Variants in CBR3 observed in about 807,000 individuals in gnomAD.
CBR3 encodes carbonyl reductase 3, also known as carbonyl reductase [NADPH] 3.
CBR3 carries 14 observed loss-of-function variants against 11.6 expected under a neutral mutation model. The ratio of observed to expected loss-of-function variants is 1.20; its 90% CI spans 0.79 to 1.88. The LOEUF is 1.88. Ranked by LOEUF, CBR3 falls within the 40% of genes most tolerant of loss-of-function variation. The probability of loss-of-function intolerance (pLI) is 0.00; values close to 1 mark genes in which losing one functional copy is unlikely to be tolerated. For missense variants in CBR3, 308 were observed against 357.3 expected, an observed-to-expected ratio of 0.86 and a Z score of 1.11; for synonymous variants, 125 against 145.6, an observed-to-expected ratio of 0.86 and a Z score of 1.02.
In CBR3 at chr21:36,135,384, C is replaced by G; in HGVS notation, c.192C>G (p.Ile64Met). ...GCCCGCGCTTCCACCAACTGGACAT[C>G]GACGACTTGCAGAGCATCCGCGCCC... ...GLSPRFHQLD[I>M]DDLQSIRALR... The change falls in exon 1 of 3, where the codon ATC becomes ATG. Residue 64 changes from isoleucine to methionine, a missense_variant. By Grantham distance (10) the Ile-to-Met change is conservative (BLOSUM62 1). Transcript: ENST00000290354. The G allele has an allele frequency of 6.2e-7, 1 of 1,613,374 alleles. No homozygotes were observed. Among genetic ancestry groups the G allele is most frequent in the Non-Finnish European group, 8.5e-7 (1 of 1,179,834 alleles).
chr21:36,136,687 C>A (rs1472115241), intron 1 of CBR3, among the ~76,000 whole-genome samples: 2 of 152,140 alleles, frequency 1.3e-5, no homozygotes, highest in Non-Finnish European at 2.9e-5. Flanking sequence ...CCTGGGCGCT[C>A]ATGGCAAGGC....
At chr21:36,136,093 G>T (rs1198106443) in intron 1 of CBR3, among the ~76,000 whole-genome samples, 1 of 152,144 alleles carries the variant, frequency 6.6e-6, no homozygotes, top group Non-Finnish European at 1.5e-5. Flanking sequence ...CGTGCGTGTG[G>T]TCTTAAAAGC....
At chr21:36,142,431 C>CAAA (rs71326645) in intron 2 of CBR3, among the ~76,000 whole-genome samples, 41 of 40,424 alleles carry the variant, frequency 1.0e-3, no homozygotes, top group Non-Finnish European at 1.6e-3. Flanking sequence ...GACTCCATCT[C>CAAA]AAAAAAAAAA....
At chr21:36,145,122 T>G (rs1036315675) in intron 2 of CBR3, 21 of 151,872 alleles carry the variant, frequency 1.4e-4, no homozygotes, top group African/African-American at 5.1e-4. Context: ...AATAAATAAA[T>G]TTAAGTAAAA....
chr21:36,142,433 A>AAAAAAAAAAAAAAAC lies in CBR3; in HGVS notation c.398-3629_398-3628insCAAAAAAAAAAAAAA, dbSNP rs1481669207. ...GGTGACAGAGCGAGACTCCATCTCA[A>AAAAAAAAAAAAAAAC]AAAAAAAAAAAAAAACGCAATCCAT... is the stretch of plus-strand genomic sequence containing the variant. On this transcript the variant is annotated intron_variant, in intron 2 of 2. Coordinates refer to ENST00000290354, the MANE Select transcript of CBR3 (RefSeq NM_001236.4). Among the ~76,000 whole-genome samples, 6 of 147,706 alleles carry AAAAAAAAAAAAAAAC rather than the reference A, an allele frequency of 4.1e-5. 1 individual carries two copies. The highest frequency in any genetic ancestry group is 7.5e-5 in the African/African-American group (3 of 40,186).
chr21:36,135,883 T>TAA (rs1395698029), intron 1 of CBR3, among the ~76,000 whole-genome samples: 2 of 152,214 alleles, frequency 1.3e-5, no homozygotes, highest in Non-Finnish European at 2.9e-5. Context: ...TTCGCTTTCC[T>TAA]TGAAAGGGCG....
intron 2 of CBR3, among the ~76,000 whole-genome samples, chr21:36,143,689 G>A (rs999817551): frequency 2.0e-5 from 3 of 151,996 alleles, no homozygotes; most frequent in Admixed American, 6.6e-5. Flanking sequence ...CGACCAGCCC[G>A]GCCAACATGG....
rs954966189 is a variant in CBR3 at position 36,137,947 on chromosome 21, T to G, written c.397+15T>G. ...GAAACCTCATGGTAAGCCCAACGTG[T>G]GGACAGTCGGGTTGCATCCCTCAGT... On this transcript the variant is annotated intron_variant, in intron 2 of 2. Coordinates refer to ENST00000290354, the MANE Select transcript of CBR3 (RefSeq NM_001236.4). 1 of 1,427,900 alleles carries G rather than the reference T, an allele frequency of 7.0e-7. No homozygotes were observed. Among genetic ancestry groups the G allele is most frequent in the African/African-American group, 1.4e-5 (1 of 70,816 alleles). 88.5% of individuals were successfully genotyped at this position (1,427,900 alleles called of 1,614,324 possible).
At chr21:36,140,133 C>A (rs2065697578) in intron 2 of CBR3, among the ~76,000 whole-genome samples, 1 of 152,144 alleles carries the variant, frequency 6.6e-6, no homozygotes, top group Admixed American at 6.5e-5. Flanking sequence ...AGGTGATCCA[C>A]CCGCCTTGGC....
At chr21:36,139,368 T>C (rs949000974) in intron 2 of CBR3, among the ~76,000 whole-genome samples, 3 of 147,150 alleles carry the variant, frequency 2.0e-5, no homozygotes, top group Non-Finnish European at 4.4e-5. Context: ...TTATTAAAAA[T>C]GTGCTTGCTT....
intron 2 of CBR3, chr21:36,145,151 G>A (rs995082906): frequency 6.6e-6 from 1 of 151,976 alleles, no homozygotes; most frequent in Non-Finnish European, 1.5e-5. Context: ...AAAACTGCCT[G>A]GGGAATCTAC....
chr21:36,138,103 TTTTAGTTTAG>T (rs373138227), intron 2 of CBR3, among the ~76,000 whole-genome samples, 171 bp downstream of exon 2: 10,507 of 150,190 alleles, frequency 0.07, 487 homozygotes, highest in Non-Finnish European at 0.11. Context: ...CACTCCAACA[TTTTAGTTTAG>T]TTTAGTTTAG....
chr21:36,146,308 G>C lies in CBR3; in HGVS notation c.630G>C (p.Arg210Ser). 6.2e-7 allele frequency: 1 copy of C among 1,614,196 alleles called. No individual in the cohort carries two copies. Among genetic ancestry groups the C allele is most frequent in the African/African-American group, 1.3e-5 (1 of 75,050 alleles). Reference protein sequence around the residue: ...GVTVLSRILARRLDEKRKADR... With the variant: ...GVTVLSRILASRLDEKRKADR... ...CGGTCTTATCGAGGATCCTGGCCAG[G>C]CGTCTGGATGAGAAGAGGAAAGCTG... Residue 210 changes from arginine (R) to serine (S), a missense_variant, in exon 3 of 3, where the codon AGG (arginine) becomes AGC (serine). Coordinates refer to ENST00000290354, the MANE Select transcript of CBR3 (RefSeq NM_001236.4).
chr21:36,143,879 CAAAAA>C (rs35169663), intron 2 of CBR3, among the ~76,000 whole-genome samples: 2 of 91,962 alleles, frequency 2.2e-5, no homozygotes, highest in Non-Finnish European at 4.4e-5. Context: ...GATTCTGTCT[CAAAAA>C]AAAAAAAAAA....
intron 2 of CBR3, chr21:36,141,644 A>G (rs2065710305): frequency 6.6e-6 from 1 of 152,226 alleles, no homozygotes; most frequent in Non-Finnish European, 1.5e-5. Flanking sequence ...TAGAGGGCGC[A>G]ACTTGCCTAC....
intron 2 of CBR3, 98 bp from the exon 3 acceptor site, chr21:36,145,978 A>G (rs901611999): frequency 2.4e-6 from 2 of 823,876 alleles, no homozygotes; most frequent in South Asian, 3.8e-5. Context: ...AAAAAAAAAA[A>G]AAACCTGCAC....
chr21:36,142,448 A>ACAAAAAAAAAAAC (rs2065720394), intron 2 of CBR3, among the ~76,000 whole-genome samples: 1 of 149,030 alleles, frequency 6.7e-6, no homozygotes, highest in Admixed American at 6.7e-5. Flanking sequence ...AAAAAAAAAA[A>ACAAAAAAAAAAAC]CGCAATCCAT....
At position 36,146,079 on chromosome 21, in the gene CBR3, G is replaced by T. The variant is rs369768555; in HGVS notation, c.401G>T (p.Arg134Ile). The change falls in exon 3 of 3, where the codon AGA becomes ATA. Residue 134 changes from arginine (R) to isoleucine (I), a missense_variant. Transcript: ENST00000290354. ...TATATTTATCATTCTGTTTCAGGGA[G>T]AGTGGTGAATATCAGTAGTTTGCAG... ...ELLPIMKPHGRVVNISSLQCL... is the reference protein window; with the variant it reads ...ELLPIMKPHGIVVNISSLQCL... 3.7e-6 allele frequency: 6 copies of T among 1,605,420 alleles called. No individual in the cohort carries two copies. The highest frequency in any genetic ancestry group is 5.1e-6 in the Non-Finnish European group (6 of 1,172,706).
chr21:36,141,956 A>G (rs1033259771), intron 2 of CBR3: 1 of 979,398 alleles, frequency 1.0e-6, no homozygotes, highest in African/African-American at 1.8e-5. Flanking sequence ...GCTGTTTAGA[A>G]AGCAATGAAG....
Sources: allele counts gnomAD v4.1 joint callset (sites outside exome capture counted in the v4.1 genomes callset), GRCh38; gene constraint gnomAD v4.1.1; transcripts MANE v1.5; gene names NCBI Gene and HGNC (gene_info 2026-07-23, HGNC 2026-07-21).